NEIL3: variants seen among roughly 807,000 people sequenced by gnomAD.
NEIL3 encodes endonuclease 8-like 3.
Under a neutral mutation model 57.5 loss-of-function variants are expected in NEIL3, and 48 were observed. That is an observed-to-expected ratio of 0.83 (90% CI 0.66 to 1.06). NEIL3 has a LOEUF of 1.06. Among genes scored for constraint, NEIL3 ranks in the 50% least tolerant of loss-of-function variants. The pLI, the probability that NEIL3 is intolerant of heterozygous loss-of-function variation, is 0.00. For missense variants in NEIL3, 717 were observed against 739.1 expected (o/e 0.97, Z 0.35); for synonymous variants, 261 against 253.2 (o/e 1.03, Z -0.29).
intron 2 of NEIL3, among the ~76,000 whole-genome samples, chr4:177,332,947 G>A (rs1205805261): frequency 1.3e-5 from 2 of 152,134 alleles, no homozygotes; most frequent in East Asian, 1.9e-4. Context: ...TGTAGATAAC[G>A]TGATTTTTTT....
At position 177,336,180 on chromosome 4, in the gene NEIL3, C is replaced by T; in HGVS notation, c.486C>T (p.Phe162=). The change falls in exon 4 of 10, where the codon TTC becomes TTT. Residue 162 remains phenylalanine, a synonymous_variant. Transcript: ENST00000264596. Reference sequence around the variant, plus strand: ...ATGTATGTTCACCTGAATTTAGTTTCTTGAGAGCAGAAAGTGAAGTTAAAA... The same window carrying T: ...ATGTATGTTCACCTGAATTTAGTTTTTTGAGAGCAGAAAGTGAAGTTAAAA... The part of the protein sequence containing the change: ...ELDVCSPEFS[F]LRAESEVKKQ... 1 of 1,613,936 alleles carries T rather than the reference C, an allele frequency of 6.2e-7. No homozygotes were observed. Among genetic ancestry groups the T allele is most frequent in the East Asian group, 2.2e-5 (1 of 44,878 alleles).
rs943905377 is a variant in NEIL3, at chr4:177,351,503, G to C, written c.993G>C (p.Lys331Asn). 22 of 1,613,862 alleles carry C rather than the reference G, an allele frequency of 1.4e-5. No individual in the cohort carries two copies. Among genetic ancestry groups the C allele is most frequent in the Non-Finnish European group, 1.7e-5 (20 of 1,179,980 alleles). Residue 331 changes from lysine to asparagine, a missense_variant, in exon 7 of 10, where the codon AAG becomes AAC. Lys to Asn is a moderately conservative substitution (Grantham distance 94). Coordinates refer to ENST00000264596, the MANE Select transcript of NEIL3 (RefSeq NM_018248.3). Reference sequence around the variant, plus strand: ...GTGTGGTGTGTACTTTAATCAATAAGCCCTCTTCTAAGGCATGTGATGCTT... The same window carrying C: ...GTGTGGTGTGTACTTTAATCAATAACCCCTCTTCTAAGGCATGTGATGCTT... ...WTCVVCTLINKPSSKACDACL... is the reference protein window; with the variant it reads ...WTCVVCTLINNPSSKACDACL...
At chr4:177,359,422 TTC>T (rs1156366439) in intron 8 of NEIL3, among the ~76,000 whole-genome samples, 1 of 152,180 alleles carries the variant, frequency 6.6e-6, no homozygotes, top group East Asian at 1.9e-4. Context: ...AGAGATTGCA[TTC>T]TCTGAACATT....
chr4:177,310,009 T>C lies in NEIL3; in HGVS notation c.56T>C (p.Leu19Pro). ...GGAGAGAAGATTCGCGCGCGGGTGC[T>C]CCCGGGCCAGGCGGTGACCGGCGTG... ...LNGEKIRARV[L>P]PGQAVTGVRG... Residue 19 changes from leucine to proline, a missense_variant, in exon 1 of 10, where the codon CTC becomes CCC. By Grantham distance (98) the Leu-to-Pro change is moderately conservative. Transcript: ENST00000264596. The C allele has an allele frequency of 3.1e-6, 5 of 1,610,534 alleles. No individual in the cohort carries two copies. Among genetic ancestry groups the C allele is most frequent in the Non-Finnish European group, 4.2e-6 (5 of 1,178,920 alleles).
intron 4 of NEIL3, among the ~76,000 whole-genome samples, chr4:177,337,007 G>A (rs866625262): frequency 2.6e-5 from 4 of 152,220 alleles, no homozygotes; most frequent in Middle Eastern, 6.8e-3. Context: ...GCTTGCTAGA[G>A]GGGATTCCAG....
At chr4:177,361,976 T>C (rs1260018066) in intron 9 of NEIL3, among the ~76,000 whole-genome samples, 1 of 152,166 alleles carries the variant, frequency 6.6e-6, no homozygotes, top group Non-Finnish European at 1.5e-5. Flanking sequence ...TATTGGTGAT[T>C]ACAGCAAGAT....
At chr4:177,329,515 G>T (rs1341457147) in intron 2 of NEIL3, among the ~76,000 whole-genome samples, 1 of 152,146 alleles carries the variant, frequency 6.6e-6, no homozygotes, top group East Asian at 1.9e-4. Flanking sequence ...ATTAAAAAAA[G>T]ATTAAGGGGT....
downstream of NEIL3, among the ~76,000 whole-genome samples, chr4:177,364,404 A>G (rs1255073450): frequency 6.6e-6 from 1 of 152,172 alleles, no homozygotes; most frequent in African/African-American, 2.4e-5. Context: ...CTGAGGGCAG[A>G]ACAAAAACAG....
At position 177,333,527 on chromosome 4, in the gene NEIL3, G is replaced by T. The variant is rs555533115; in HGVS notation, c.279-2161G>T. On this transcript the variant is annotated intron_variant, in intron 2 of 9. Coordinates refer to ENST00000264596, the MANE Select transcript of NEIL3 (RefSeq NM_018248.3). Reference sequence around the variant, plus strand: ...TTCTTTAAAATTTAAAAAAGTGTATGAAGTATCTTACAAAACCTGAAGAGA... The same window carrying T: ...TTCTTTAAAATTTAAAAAAGTGTATTAAGTATCTTACAAAACCTGAAGAGA... Among the ~76,000 whole-genome samples the T allele has an allele frequency of 4.6e-5, 7 of 152,284 alleles. No individual in the cohort carries two copies. The East Asian group carries it at 1.4e-3, about 29-fold the overall frequency.
chr4:177,317,597 CT>C (rs745358876), intron 1 of NEIL3, among the ~76,000 whole-genome samples: 1,296 of 70,014 alleles, frequency 0.019, 7 homozygotes, highest in African/African-American at 0.066. Flanking sequence ...ACTTTCTTTT[CT>C]TTTTTTTTTT....
chr4:177,347,384 CTGAGTAG>C (rs1735245068), intron 6 of NEIL3, among the ~76,000 whole-genome samples: 1 of 152,126 alleles, frequency 6.6e-6, no homozygotes. Flanking sequence ...AGGCAAGTTT[CTGAGTAG>C]ACTGGGGAGC....
rs1480912150 is a variant in NEIL3 at position 177,360,589 on chromosome 4, T to G, written c.1547T>G (p.Leu516Arg). ...AGTAAACACAACCGCCTCTGCATTC[T>G]CCGAGTTGTGGGGAAGGATGGGGAA... ...RCSKHNRLCILRVVGKDGENK... is the reference protein window; with the variant it reads ...RCSKHNRLCIRRVVGKDGENK... Residue 516 changes from leucine (L) to arginine (R), a missense_variant, in exon 9 of 10, where the codon CTC becomes CGC. Physicochemically the swap from Leu to Arg is moderately radical, Grantham distance 102. Transcript: ENST00000264596. 1 of 1,614,000 alleles carries G rather than the reference T, an allele frequency of 6.2e-7. No homozygotes were observed.
Position 177,322,482 on chromosome 4 carries a change from C to T in NEIL3, c.180C>T (p.Ser60=). ...SPQAAALNND[S]SQNVLSLFNG... ...AGGCTGCTGCACTGAATAATGATTC[C>T]AGCCAGAATGTCTTGAGCCTGTTTA... The change falls in exon 2 of 10, where the codon TCC becomes TCT. Residue 60 remains serine, a synonymous_variant. Coordinates refer to ENST00000264596, the MANE Select transcript of NEIL3 (RefSeq NM_018248.3). The T allele has an allele frequency of 6.2e-7, 1 of 1,613,826 alleles. No homozygotes were observed. Among genetic ancestry groups the T allele is most frequent in the Non-Finnish European group, 8.5e-7 (1 of 1,179,844 alleles).
chr4:177,350,473 A>C (rs1365746554), intron 6 of NEIL3, among the ~76,000 whole-genome samples: 1 of 152,188 alleles, frequency 6.6e-6, no homozygotes, highest in Non-Finnish European at 1.5e-5. Context: ...TCAGGGTTTT[A>C]TTGTTTGCTT....
At chr4:177,367,441 CTG>C (rs376124167), downstream of NEIL3, among the ~76,000 whole-genome samples, 464 of 152,250 alleles carry the variant, frequency 3.0e-3, 2 homozygotes, top group African/African-American at 9.3e-3. Flanking sequence ...CTGGTGCAGT[CTG>C]TGGGCACAGG....
chr4:177,331,196 C>A (rs1038392915), intron 2 of NEIL3, among the ~76,000 whole-genome samples: 1 of 151,984 alleles, frequency 6.6e-6, no homozygotes, highest in Non-Finnish European at 1.5e-5. Flanking sequence ...AAGAAAACCC[C>A]AGGCATATTT....
chr4:177,353,861 G>A (rs1374852227), intron 8 of NEIL3, 133 bp downstream of exon 8: 14 of 739,066 alleles, frequency 1.9e-5, no homozygotes, highest in Non-Finnish European at 2.9e-5. Flanking sequence ...TGCCTCCCGC[G>A]TTCAAGCGAT....
the NEIL3 span, among the ~76,000 whole-genome samples, chr4:177,370,202 T>C: frequency 6.6e-6 from 1 of 152,214 alleles, no homozygotes; most frequent in Non-Finnish European, 1.5e-5. Context: ...CCTTCATACA[T>C]GACGAATTTT....
chr4:177,330,584 A>G (rs1300146693), intron 2 of NEIL3, among the ~76,000 whole-genome samples: 1 of 152,190 alleles, frequency 6.6e-6, no homozygotes, highest in African/African-American at 2.4e-5. Context: ...AATAAAAATG[A>G]ATGACACCAA....
Sources: gnomAD v4.1 joint callset for allele counts (sites outside exome capture counted in the v4.1 genomes callset) on GRCh38, gnomAD v4.1.1 for gene constraint, MANE v1.5 for transcripts, NCBI Gene and HGNC (gene_info 2026-07-23, HGNC 2026-07-21) for gene names.